The following OSBPL3 variants were observed in gnomAD, a reference collection of about 807,000 sequenced individuals.
OSBPL3 encodes the protein oxysterol binding protein like 3.
OSBPL3 carries 65 observed loss-of-function variants against 120.1 expected under a neutral mutation model. That is an observed-to-expected ratio of 0.54 (90% CI 0.44 to 0.67). OSBPL3 has a LOEUF of 0.67. OSBPL3 is among the 30% of genes least tolerant of loss of function. The pLI is 0.00. For synonymous variants in OSBPL3, 416 were observed against 402.6 expected (o/e 1.03, Z -0.40); for missense variants, 1,004 against 1,082.1 (o/e 0.93, Z 1.01).
Position 24,938,830 on chromosome 7 carries a change from TG to T in OSBPL3, c.-150+41055del, listed in dbSNP as rs1812744603. On this transcript the variant is annotated intron_variant, in intron 1 of 22. Transcript: ENST00000313367. The surrounding 1 kb of genome is among the most constrained non-coding windows in gnomAD (Gnocchi z 5.8). ...GTGTGTGTGTGTGTGTGTGTGTGTGTGTGTTTTGAGAGCAAAACTAATGTGG... is the reference window on the plus strand; with the variant it reads ...GTGTGTGTGTGTGTGTGTGTGTGTGTTGTTTTGAGAGCAAAACTAATGTGG... Among the ~76,000 whole-genome samples, 8 of 147,148 alleles carry T rather than the reference TG, an allele frequency of 5.4e-5. No individual in the cohort carries two copies. Among genetic ancestry groups the T allele is most frequent in the African/African-American group, 2.0e-4 (8 of 40,236 alleles).
At chr7:24,868,754 G>A (rs1226357845) in intron 5 of OSBPL3, among the ~76,000 whole-genome samples, 1 of 152,164 alleles carries the variant, frequency 6.6e-6, no homozygotes, top group Non-Finnish European at 1.5e-5. Flanking sequence ...TTCTTGAAAT[G>A]TATTTCATTT....
intron 1 of OSBPL3, among the ~76,000 whole-genome samples, chr7:24,978,592 C>T (rs1051565249): frequency 6.6e-6 from 1 of 152,150 alleles, no homozygotes; most frequent in African/African-American, 2.4e-5. Context: ...CTCCTTTAGC[C>T]AAGTATAGTC....
Position 24,849,586 on chromosome 7 carries a change from G to A in OSBPL3, c.1159-410C>T, listed in dbSNP as rs534500948. On this transcript the variant is annotated intron_variant, in intron 11 of 22. Transcript: ENST00000313367. The surrounding 1 kb of genome is among the most constrained non-coding windows in gnomAD (Gnocchi z 5.4). Reference sequence around the variant, plus strand: ...GGCTTCTATCTGCTTTGAAGAATATGCTGGCCCCATCCCTTATGATTGGAC... The same window carrying A: ...GGCTTCTATCTGCTTTGAAGAATATACTGGCCCCATCCCTTATGATTGGAC... 6.6e-6 allele frequency among the ~76,000 whole-genome samples: 1 copy of A among 152,264 alleles called. No homozygotes were observed. Among genetic ancestry groups the A allele is most frequent in the African/African-American group, 2.4e-5 (1 of 41,550 alleles).
rs1795899922 is a variant in OSBPL3 at position 24,827,988 on chromosome 7, A to T, written c.1884+2780T>A. The stretch of plus-strand genomic sequence containing the variant: ...GTTTTCTTTCATCAAGTCATTCCTC[A>T]GCCTCCTCTCTGCCTTGTCAACACT... On this transcript the variant is annotated intron_variant, in intron 16 of 22. Transcript: ENST00000313367. This position sits in a 1 kb window ranked among gnomAD's most constrained non-coding sequence, Gnocchi z 5.1. Among the ~76,000 whole-genome samples, 1 of 152,118 alleles carries T rather than the reference A, an allele frequency of 6.6e-6. No homozygotes were observed. Among genetic ancestry groups the T allele is most frequent in the Non-Finnish European group, 1.5e-5 (1 of 68,012 alleles).
chr7:24,800,610 C>A (rs932727902), intron 22 of OSBPL3, among the ~76,000 whole-genome samples: 1 of 151,960 alleles, frequency 6.6e-6, no homozygotes, highest in African/African-American at 2.4e-5. Flanking sequence ...CCATGTGCAA[C>A]CATGCCCGAC....
rs759571385 is a variant in OSBPL3 at position 24,817,848 on chromosome 7, C to A, written c.1949-1160G>T. On this transcript the variant is annotated intron_variant, in intron 17 of 22. Transcript: ENST00000313367. The surrounding 1 kb of genome is among the most constrained non-coding windows in gnomAD (Gnocchi z 4.0). ...AAGTTAGATACAGACTGAAAAAGAACGAATTTATGAACAATGTCAGATTTC... is the reference window on the plus strand; with the variant it reads ...AAGTTAGATACAGACTGAAAAAGAAAGAATTTATGAACAATGTCAGATTTC... Among the ~76,000 whole-genome samples, 2 of 152,142 alleles carry A rather than the reference C, an allele frequency of 1.3e-5. No individual in the cohort carries two copies. Among genetic ancestry groups the A allele is most frequent in the South Asian group, 4.1e-4 (2 of 4,822 alleles).
chr7:24,897,320 C>CT (rs35715609), intron 1 of OSBPL3, among the ~76,000 whole-genome samples: 3,508 of 102,260 alleles, frequency 0.034, 173 homozygotes, highest in African/African-American at 0.076. Flanking sequence ...ATGGCAGAAT[C>CT]TTTTTTTTTT....
Position 24,830,459 on chromosome 7 carries a change from C to A in OSBPL3, c.1884+309G>T, listed in dbSNP as rs1303030335. 6.6e-6 allele frequency among the ~76,000 whole-genome samples: 1 copy of A among 152,170 alleles called. No individual in the cohort carries two copies. Among genetic ancestry groups the A allele is most frequent in the Non-Finnish European group, 1.5e-5 (1 of 68,036 alleles). On this transcript the variant is annotated intron_variant, in intron 16 of 22. Transcript: ENST00000313367. The surrounding 1 kb of genome is among the most constrained non-coding windows in gnomAD (Gnocchi z 4.4). Reference sequence around the variant, plus strand: ...TGTGTTAGGGAGCAATGTTAAACCTCTAAATTGAAGTTTGGGCCAACATTC... The same window carrying A: ...TGTGTTAGGGAGCAATGTTAAACCTATAAATTGAAGTTTGGGCCAACATTC...
Position 24,932,343 on chromosome 7 carries a change from T to C in OSBPL3, c.-149-39722A>G, listed in dbSNP as rs1288904143. Among the ~76,000 whole-genome samples the C allele has an allele frequency of 6.6e-6, 1 of 152,100 alleles. No homozygotes were observed. The highest frequency in any genetic ancestry group is 1.5e-5 in the Non-Finnish European group (1 of 68,032). ...AAGCTGTGCGCCCAGGGGTCTGAGA[T>C]AGGTTAGAATGCAAGAGCAAGAGAA... On this transcript the variant is annotated intron_variant, in intron 1 of 22. Coordinates refer to ENST00000313367, the MANE Select transcript of OSBPL3 (RefSeq NM_015550.4). The surrounding 1 kb of genome is among the most constrained non-coding windows in gnomAD (Gnocchi z 5.6).
In OSBPL3 at chr7:24,912,443, T is replaced by C. The variant is rs961667841; in HGVS notation, c.-149-19822A>G. On this transcript the variant is annotated intron_variant, in intron 1 of 22. Transcript: ENST00000313367. The surrounding 1 kb of genome is among the most constrained non-coding windows in gnomAD (Gnocchi z 4.5). The stretch of plus-strand genomic sequence containing the variant: ...GTTGCAGATTCACTGCAGACATCCA[T>C]TGATTTAGGGAGTTTAGCACATTAA... Among the ~76,000 whole-genome samples the C allele has an allele frequency of 1.3e-5, 2 of 152,186 alleles. No individual in the cohort carries two copies. Among genetic ancestry groups the C allele is most frequent in the Non-Finnish European group, 2.9e-5 (2 of 68,022 alleles).
chr7:24,895,325 T>C (rs896552053), intron 1 of OSBPL3, among the ~76,000 whole-genome samples: 1 of 152,260 alleles, frequency 6.6e-6, no homozygotes, highest in African/African-American at 2.4e-5. Context: ...ATTGTGTTAC[T>C]GCTGCCTGCA....
intron 10 of OSBPL3, among the ~76,000 whole-genome samples, chr7:24,859,364 A>C (rs1800222619): frequency 6.6e-6 from 1 of 152,172 alleles, no homozygotes; most frequent in Admixed American, 6.5e-5. Flanking sequence ...AAAAAAGTTA[A>C]GCAGAAAGAT....
chr7:24,878,944 C>T (rs1405041869), intron 2 of OSBPL3, among the ~76,000 whole-genome samples: 4 of 152,202 alleles, frequency 2.6e-5, no homozygotes, highest in African/African-American at 9.6e-5. Context: ...GGAGACCAGG[C>T]TGTCTCAAAA....
At chr7:24,843,783 T>G (rs975198485) in intron 12 of OSBPL3, among the ~76,000 whole-genome samples, 16 of 152,184 alleles carry the variant, frequency 1.1e-4, no homozygotes, top group African/African-American at 3.4e-4. Context: ...GTATCACAGC[T>G]GTTAACTTCA....
At chr7:24,945,721 A>G (rs1813646109) in intron 1 of OSBPL3, among the ~76,000 whole-genome samples, 7 of 152,246 alleles carry the variant, frequency 4.6e-5, no homozygotes, top group Admixed American at 3.9e-4. Flanking sequence ...GCTTGAGGAC[A>G]TAACTACATT....
rs1485949484 is a variant in OSBPL3 at position 24,820,324 on chromosome 7, G to C, written c.1885-86C>G. 2.0e-6 allele frequency: 2 copies of C among 982,086 alleles called. No homozygotes were observed. The highest frequency in any genetic ancestry group is 3.2e-6 in the Non-Finnish European group (2 of 626,068). The allele number at this position is 982,086 out of a possible 1,614,324, so 60.8% of individuals were successfully genotyped here. A position where few individuals can be genotyped will look rare whatever the true frequency, so the allele number is the denominator to read the frequency against. Reference sequence around the variant, plus strand: ...CATTCTTTCTCCCCTGCACTGAGATGTAACAGCGTGCAATGCTGAACTGAA... The same window carrying C: ...CATTCTTTCTCCCCTGCACTGAGATCTAACAGCGTGCAATGCTGAACTGAA... On this transcript the variant is annotated intron_variant, in intron 16 of 22. Coordinates refer to ENST00000313367, the MANE Select transcript of OSBPL3 (RefSeq NM_015550.4). The surrounding 1 kb of genome is among the most constrained non-coding windows in gnomAD (Gnocchi z 4.6).
intron 9 of OSBPL3, 67 bp from the exon 10 acceptor site, chr7:24,861,836 T>A: frequency 9.1e-7 from 1 of 1,103,994 alleles, no homozygotes; most frequent in Non-Finnish European, 1.3e-6. Flanking sequence ...TACTTGATTC[T>A]AAGATTGAAA....
intron 1 of OSBPL3, among the ~76,000 whole-genome samples, chr7:24,909,790 T>C (rs1416678647): frequency 2.6e-4 from 23 of 90,132 alleles, no homozygotes; most frequent in Middle Eastern, 4.9e-3. Flanking sequence ...TTTCTTTTTT[T>C]TTTTTTTTTT....
chr7:24,825,451 A>G (rs897628225), intron 16 of OSBPL3, among the ~76,000 whole-genome samples: 9 of 152,216 alleles, frequency 5.9e-5, no homozygotes, highest in African/African-American at 2.2e-4. Flanking sequence ...TGAATCACTT[A>G]TCTCATAAAC....
Sources: allele counts gnomAD v4.1 joint callset (sites outside exome capture counted in the v4.1 genomes callset), GRCh38; gene constraint gnomAD v4.1.1; non-coding constraint Gnocchi (gnomAD v3.1); transcripts MANE v1.5; gene names NCBI Gene and HGNC (gene_info 2026-07-23, HGNC 2026-07-21).